The following TMEM131 variants were observed in gnomAD, a reference collection of about 807,000 sequenced individuals.
The protein encoded by TMEM131 is 2610524E03Rik.
TMEM131 carries 66 observed loss-of-function variants against 211.6 expected under a neutral mutation model. The ratio of observed to expected loss-of-function variants is 0.31; its 90% CI spans 0.26 to 0.38. The LOEUF (loss-of-function observed/expected upper bound fraction) is 0.38, where lower values mean the gene tolerates loss of function less well. TMEM131 is among the 10% of genes least tolerant of loss of function. TMEM131 has a pLI of 1.00. For missense variants in TMEM131, 2,036 were observed against 2,299.3 expected (o/e 0.89, Z 2.34); for synonymous variants, 844 against 841.3 (o/e 1.00, Z -0.06).
At chr2:97,978,196 C>T (rs774947131) in intron 1 of TMEM131, among the ~76,000 whole-genome samples, 1 of 152,142 alleles carries the variant, frequency 6.6e-6, no homozygotes. Flanking sequence ...AGCATTTTAC[C>T]CACAGAAGAA....
intron 3 of TMEM131, among the ~76,000 whole-genome samples, chr2:97,906,394 T>G (rs1339362359): frequency 6.6e-6 from 1 of 152,216 alleles, no homozygotes; most frequent in Non-Finnish European, 1.5e-5. Context: ...GTGACAGTTG[T>G]AAATTCTGTC....
chr2:97,758,316 T>A (rs2104746629), intron 40 of TMEM131, among the ~76,000 whole-genome samples: 2 of 152,344 alleles, frequency 1.3e-5, no homozygotes, highest in African/African-American at 4.8e-5. Context: ...TGGGGTCATA[T>A]TTTTCTGTCA....
intron 1 of TMEM131, among the ~76,000 whole-genome samples, chr2:97,978,515 G>A (rs568829547): frequency 1.3e-5 from 2 of 152,260 alleles, no homozygotes; most frequent in African/African-American, 4.8e-5. Context: ...CTCCTGAGTA[G>A]CTGGGACAAC....
At chr2:97,818,476 G>GA in intron 12 of TMEM131, 137 bp downstream of exon 12, 1 of 315,174 alleles carries the variant, frequency 3.2e-6, no homozygotes, top group Non-Finnish European at 6.0e-6. Context: ...GGGGGGGCGG[G>GA]GGGGGATCAA....
At chr2:97,760,995 G>C in intron 36 of TMEM131, 81 bp from the exon 37 acceptor site, 4 of 1,566,724 alleles carry the variant, frequency 2.6e-6, no homozygotes, top group Non-Finnish European at 3.5e-6. Context: ...GCAGGACTGA[G>C]CCCTGAGTGG....
chr2:97,786,551 T>C (rs1166349255), intron 31 of TMEM131, among the ~76,000 whole-genome samples: 1 of 152,022 alleles, frequency 6.6e-6, no homozygotes, highest in African/African-American at 2.4e-5. Context: ...AACCAAAAAC[T>C]CTTTATTGAC....
intron 1 of TMEM131, among the ~76,000 whole-genome samples, chr2:97,931,059 A>G (rs2104455219): frequency 6.6e-6 from 1 of 151,962 alleles, no homozygotes; most frequent in Non-Finnish European, 1.5e-5. Context: ...ACCCATCCCT[A>G]TTTATTTTCA....
chr2:97,861,852 A>C (rs1294812715), intron 4 of TMEM131, among the ~76,000 whole-genome samples: 1 of 152,078 alleles, frequency 6.6e-6, no homozygotes, highest in Non-Finnish European at 1.5e-5. Flanking sequence ...CTATCTGCTG[A>C]TTTTAGAGTC....
intron 13 of TMEM131, 82 bp from the exon 14 acceptor site, chr2:97,814,470 G>A (rs898644128): frequency 3.9e-6 from 5 of 1,275,764 alleles, no homozygotes; most frequent in Non-Finnish European, 5.3e-6. Flanking sequence ...TCTGTTGTAA[G>A]TAATAATTTA....
rs903302594 is a variant in TMEM131 at position 97,792,257 on chromosome 2, G to C, written c.4144+129C>G. On this transcript the variant is annotated intron_variant, in intron 31 of 40. Coordinates refer to ENST00000186436, the MANE Select transcript of TMEM131 (RefSeq NM_015348.2). ...ATGGAAAAGTTGAAGTCCAACACTGGAGATAAATCTGAGCCAGAGGAACCT... is the reference window on the plus strand; with the variant it reads ...ATGGAAAAGTTGAAGTCCAACACTGCAGATAAATCTGAGCCAGAGGAACCT... The C allele has an allele frequency of 1.2e-4, 83 of 685,688 alleles. No homozygotes were observed. The East Asian group carries it at 2.4e-3, about 20-fold the overall frequency. The allele number at this position is 685,688 out of a possible 1,614,324, so 42.5% of individuals were successfully genotyped here. A position where few individuals can be genotyped will look rare whatever the true frequency, so the allele number is the denominator to read the frequency against.
chr2:97,808,947 G>T (rs1356395091), intron 19 of TMEM131, among the ~76,000 whole-genome samples: 2 of 152,288 alleles, frequency 1.3e-5, no homozygotes, highest in East Asian at 1.9e-4. Flanking sequence ...AGGCTTGGAG[G>T]TATGAAGGGA....
Position 97,995,608 on chromosome 2 carries a change from T to TG in TMEM131, c.54dup (p.Thr19HisfsTer14). The TG allele has an allele frequency of 8.0e-7, 1 of 1,248,110 alleles. No homozygotes were observed. Among genetic ancestry groups the TG allele is most frequent in the Non-Finnish European group, 1.0e-6 (1 of 996,734 alleles). 77.3% of individuals were successfully genotyped at this position (1,248,110 alleles called of 1,614,324 possible). ...GGTTCCAGCCCGGCCCCGGCGGACG[T>TG]GGAGACGGCGGCGGTGGTGGCTCCG... is the stretch of plus-strand genomic sequence containing the variant. On this transcript the variant is annotated frameshift_variant, in exon 1 of 41. Transcript: ENST00000186436. LOFTEE classifies it high-confidence loss of function.
At chr2:97,957,081 C>A (rs10174306) in intron 1 of TMEM131, among the ~76,000 whole-genome samples, 148,838 of 150,802 alleles carry the variant, frequency 0.99, 73,463 homozygotes, top group Middle Eastern at 1. Flanking sequence ...TGGGCGACAG[C>A]GTGAGACTCC....
At chr2:97,939,070 A>G (rs1677588987) in intron 1 of TMEM131, among the ~76,000 whole-genome samples, 1 of 152,236 alleles carries the variant, frequency 6.6e-6, no homozygotes, top group African/African-American at 2.4e-5. Flanking sequence ...CCCACAAGAG[A>G]AAGCAGGAAA....
chr2:97,977,223 A>C (rs1235422283), intron 1 of TMEM131, among the ~76,000 whole-genome samples: 1 of 152,252 alleles, frequency 6.6e-6, no homozygotes, highest in Non-Finnish European at 1.5e-5. Flanking sequence ...TGAGAATAAA[A>C]ACACAAACCT....
At chr2:97,888,572 TTCCAAGAA>T (rs1189234174) in intron 3 of TMEM131, among the ~76,000 whole-genome samples, 3 of 152,212 alleles carry the variant, frequency 2.0e-5, no homozygotes, top group African/African-American at 7.2e-5. Context: ...GGATACAAAC[TTCCAAGAA>T]TTGAAATATC....
intron 3 of TMEM131, among the ~76,000 whole-genome samples, chr2:97,900,878 T>G (rs1195105536): frequency 6.6e-6 from 1 of 152,166 alleles, no homozygotes; most frequent in Non-Finnish European, 1.5e-5. Flanking sequence ...GGTCAATATT[T>G]GTTATCTTTT....
chr2:97,802,694 G>C lies in TMEM131; in HGVS notation c.2499C>G (p.Pro833=). 6.2e-7 allele frequency: 1 copy of C among 1,610,502 alleles called. No individual in the cohort carries two copies. Among genetic ancestry groups the C allele is most frequent in the Admixed American group, 1.7e-5 (1 of 59,444 alleles). The part of the protein sequence containing the change: ...ELSWPSILSS[P]RHLKFPLTNT... ...TAGTAAGTGGAAATTTCAAGTGCCGGGGTGAGCTAAGTATGGAAGGCCAGG... is the reference window on the plus strand; with the variant it reads ...TAGTAAGTGGAAATTTCAAGTGCCGCGGTGAGCTAAGTATGGAAGGCCAGG... Residue 833 remains proline, a synonymous_variant, in exon 23 of 41, where the codon CCC becomes CCG. Coordinates refer to ENST00000186436, the MANE Select transcript of TMEM131 (RefSeq NM_015348.2).
intron 1 of TMEM131, among the ~76,000 whole-genome samples, chr2:97,961,491 T>C (rs893657298): frequency 3.9e-5 from 6 of 152,220 alleles, no homozygotes; most frequent in African/African-American, 9.6e-5. Context: ...TCTCACCAGT[T>C]TGATTAGAGT....
Sources: allele counts gnomAD v4.1 joint callset (sites outside exome capture counted in the v4.1 genomes callset), GRCh38; gene constraint gnomAD v4.1.1; transcripts MANE v1.5; gene names NCBI Gene and HGNC (gene_info 2026-07-23, HGNC 2026-07-21).